Variants in SORCS3 observed in about 807,000 individuals in gnomAD.
The protein encoded by SORCS3 is VPS10 domain-containing receptor SorCS3.
In SORCS3, 57 loss-of-function variants were observed where a neutral mutation model predicts 146.3. That is an observed-to-expected ratio of 0.39 (90% CI 0.31 to 0.49). The LOEUF (loss-of-function observed/expected upper bound fraction) is 0.49, where lower values mean the gene tolerates loss of function less well. Ranked by LOEUF, SORCS3 falls within the 20% of genes least tolerant of loss-of-function variation. SORCS3 has a pLI of 0.92. For synonymous variants in SORCS3, 653 were observed against 618.5 expected, an observed-to-expected ratio of 1.06 and a Z score of -0.83; for missense variants, 1,341 against 1,575.5, an observed-to-expected ratio of 0.85 and a Z score of 2.52.
chr10:105,233,880 G>A (rs919100268), intron 20 of SORCS3, among the ~76,000 whole-genome samples: 2 of 152,170 alleles, frequency 1.3e-5, no homozygotes, highest in Admixed American at 6.6e-5. Context: ...ACATGTGCAA[G>A]TGTGTTTATA....
chr10:104,691,923 G>A (rs1334140179), intron 1 of SORCS3, among the ~76,000 whole-genome samples: 6 of 151,944 alleles, frequency 3.9e-5, no homozygotes, highest in African/African-American at 1.5e-4. Context: ...TGTTATTGTT[G>A]AGGTGAGATC....
At chr10:105,072,655 CTCTCTTTT>C (rs1181767969) in intron 5 of SORCS3, among the ~76,000 whole-genome samples, 695 of 21,444 alleles carry the variant, frequency 0.032, 6 homozygotes, top group Admixed American at 0.13. Flanking sequence ...CTTTCTCTCT[CTCTCTTTT>C]TTTTTTTTTT....
At chr10:104,727,948 GA>G (rs2016658453) in intron 1 of SORCS3, among the ~76,000 whole-genome samples, 2 of 152,004 alleles carry the variant, frequency 1.3e-5, no homozygotes, top group Admixed American at 1.3e-4. Context: ...CCCATCGATG[GA>G]AAAATTGTCT....
At chr10:105,031,082 G>T (rs1317468645) in intron 4 of SORCS3, among the ~76,000 whole-genome samples, 2 of 151,612 alleles carry the variant, frequency 1.3e-5, no homozygotes, top group African/African-American at 2.4e-5. Flanking sequence ...ATCACCTGAG[G>T]TCAGGAGTTT....
intron 14 of SORCS3, among the ~76,000 whole-genome samples, chr10:105,190,754 T>G (rs992709801): frequency 3.3e-5 from 5 of 152,182 alleles, no homozygotes; most frequent in African/African-American, 7.2e-5. Context: ...ATCTACTGTT[T>G]GCAAAGTCTT....
At position 105,241,409 on chromosome 10, in the gene SORCS3, G is replaced by T. The variant is rs912183168; in HGVS notation, c.2869-4133G>T. On this transcript the variant is annotated intron_variant, in intron 20 of 26. Coordinates refer to ENST00000369701, the MANE Select transcript of SORCS3 (RefSeq NM_014978.3). ...TGCTCACAACCCTGAAGCCCCAGAG[G>T]GGGTGTTAGAGTGCACCTTTAGCTC... 2.0e-5 allele frequency among the ~76,000 whole-genome samples: 3 copies of T among 152,324 alleles called. No homozygotes were observed. In the South Asian group the frequency reaches 6.2e-4, roughly 32 times the overall value.
At chr10:104,825,396 C>G (rs991614714) in intron 1 of SORCS3, among the ~76,000 whole-genome samples, 21 of 152,312 alleles carry the variant, frequency 1.4e-4, no homozygotes, top group Middle Eastern at 3.4e-3. Context: ...GGATTCTACA[C>G]TAAAACTTTC....
intron 1 of SORCS3, among the ~76,000 whole-genome samples, chr10:104,673,861 T>A (rs2015884365): frequency 6.6e-6 from 1 of 152,200 alleles, no homozygotes; most frequent in South Asian, 2.1e-4. Flanking sequence ...CTAACTTCAA[T>A]AACATAAAAA....
intron 3 of SORCS3, among the ~76,000 whole-genome samples, chr10:104,955,884 C>T (rs1233596998): frequency 6.6e-6 from 1 of 152,052 alleles, no homozygotes; most frequent in African/African-American, 2.4e-5. Context: ...AGAAAAAGTT[C>T]TTCTTGCCAC....
intron 1 of SORCS3, among the ~76,000 whole-genome samples, chr10:104,819,193 G>T (rs770029835): frequency 9.2e-5 from 14 of 152,096 alleles, no homozygotes; most frequent in Non-Finnish European, 2.1e-4. Context: ...GATTCACCTG[G>T]ATAGCCTATA....
Position 105,256,910 on chromosome 10 carries a change from C to G in SORCS3, c.3429C>G (p.Ile1143Met). 6.2e-7 allele frequency: 1 copy of G among 1,613,480 alleles called. No individual in the cohort carries two copies. The highest frequency in any genetic ancestry group is 8.5e-7 in the Non-Finnish European group (1 of 1,179,402). ...TTGTTGGCCTGGCTGTGTTTTTGATCTACAAGTTTAAAAGGTATGTCCTAT... is the reference window on the plus strand; with the variant it reads ...TTGTTGGCCTGGCTGTGTTTTTGATGTACAAGTTTAAAAGGTATGTCCTAT... ...VVFVGLAVFLIYKFKRKIPWI... is the reference protein window; with the variant it reads ...VVFVGLAVFLMYKFKRKIPWI... Residue 1143 changes from isoleucine (I) to methionine (M), a missense_variant, in exon 25 of 27, where the codon ATC becomes ATG. Transcript: ENST00000369701.
intron 1 of SORCS3, 68 bp downstream of exon 1, chr10:104,642,022 G>GGGGCCCCC: frequency 5.8e-6 from 1 of 173,336 alleles, no homozygotes; most frequent in Non-Finnish European, 1.1e-5. Flanking sequence ...GGGTGGGTGG[G>GGGGCCCCC]AGCGAGGGAC....
chr10:104,818,354 CTCCTTTCTTCCT>C (rs976204380), intron 1 of SORCS3, among the ~76,000 whole-genome samples: 14 of 78,658 alleles, frequency 1.8e-4, no homozygotes, highest in Non-Finnish European at 2.3e-4. Flanking sequence ...TTTCTTTCTT[CTCCTTTCTTCCT>C]TCCTTCCTTC....
chr10:105,185,491 C>A (rs1001536292), intron 14 of SORCS3, among the ~76,000 whole-genome samples: 1 of 152,188 alleles, frequency 6.6e-6, no homozygotes, highest in African/African-American at 2.4e-5. Context: ...CGTTTCACTC[C>A]TTGTTCGTTG....
rs140336152 is a variant in SORCS3 at position 104,967,984 on chromosome 10, A to T, written c.796-9351A>T. Among the ~76,000 whole-genome samples, 1,224 of 152,214 alleles carry T rather than the reference A, an allele frequency of 8.0e-3. 36 individuals carry two copies. The highest frequency in any genetic ancestry group is 0.048 in the Admixed American group (739 of 15,274). On this transcript the variant is annotated intron_variant, in intron 3 of 26. Transcript: ENST00000369701. Reference sequence around the variant, plus strand: ...CTTATCCTGGGTAATTTAAAGCTAAAGGTTAACATTTATTTAGTACTTATG... The same window carrying T: ...CTTATCCTGGGTAATTTAAAGCTAATGGTTAACATTTATTTAGTACTTATG...
At chr10:105,104,570 C>T (rs865874957) in intron 6 of SORCS3, among the ~76,000 whole-genome samples, 1 of 152,098 alleles carries the variant, frequency 6.6e-6, no homozygotes, top group South Asian at 2.1e-4. Flanking sequence ...AAGTTTTGTA[C>T]ATGTTATGTA....
intron 2 of SORCS3, among the ~76,000 whole-genome samples, chr10:104,913,970 T>G (rs2018997134): frequency 6.6e-6 from 1 of 152,004 alleles, no homozygotes; most frequent in Admixed American, 6.6e-5. Flanking sequence ...GGTTTCACCA[T>G]CTTGGCCAGG....
chr10:104,647,559 A>ATG (rs2015509591), intron 1 of SORCS3, among the ~76,000 whole-genome samples: 1 of 152,196 alleles, frequency 6.6e-6, no homozygotes, highest in African/African-American at 2.4e-5. Context: ...CCTTCCCTCC[A>ATG]ATCACCATCA....
intron 7 of SORCS3, among the ~76,000 whole-genome samples, chr10:105,121,403 C>T (rs1053883093): frequency 6.6e-6 from 1 of 152,074 alleles, no homozygotes; most frequent in Non-Finnish European, 1.5e-5. Flanking sequence ...GGTAATCACC[C>T]ATGGTTGTAT....
Sources: allele counts gnomAD v4.1 joint callset (sites outside exome capture counted in the v4.1 genomes callset), GRCh38; gene constraint gnomAD v4.1.1; transcripts MANE v1.5; gene names NCBI Gene and HGNC (gene_info 2026-07-23, HGNC 2026-07-21).